DCC: variants seen among roughly 807,000 people sequenced by gnomAD.
The protein encoded by DCC is DCC netrin 1 receptor, also known as netrin receptor DCC.
In DCC, 58 loss-of-function variants were observed where a neutral mutation model predicts 172.5. That is an observed-to-expected ratio of 0.34 (90% CI 0.27 to 0.42). The LOEUF is 0.42. Ranked by LOEUF, DCC falls within the 10% of genes least tolerant of loss-of-function variation. The pLI is 1.00. For missense variants in DCC, 1,740 were observed against 1,791.0 expected (o/e 0.97, Z 0.51); for synonymous variants, 709 against 644.5 (o/e 1.10, Z -1.52).
chr18:52,787,312 C>T (rs987076380), intron 2 of DCC, among the ~76,000 whole-genome samples: 2 of 152,118 alleles, frequency 1.3e-5, no homozygotes, highest in Non-Finnish European at 2.9e-5. Context: ...CATTTGCAAT[C>T]ACCTGTTAAG....
intron 23 of DCC, among the ~76,000 whole-genome samples, chr18:53,454,973 T>C (rs1453430620): frequency 2.0e-5 from 3 of 152,202 alleles, no homozygotes; most frequent in East Asian, 1.9e-4. Flanking sequence ...TTTGGTTTTG[T>C]TTTTATTTTT....
Position 52,369,310 on chromosome 18 carries a change from G to A in DCC, c.91+28432G>A, listed in dbSNP as rs75072046. On this transcript the variant is annotated intron_variant, in intron 1 of 28. Coordinates refer to ENST00000442544, the MANE Select transcript of DCC (RefSeq NM_005215.4). ...CCTCCCCACTTTAGATCCTTCAATA[G>A]TTAGATTTTTATTTGCAAATTGGTT... Among the ~76,000 whole-genome samples the A allele has an allele frequency of 9.1e-3, 1,377 of 151,404 alleles. 6 individuals are homozygous for A. The highest frequency in any genetic ancestry group is 0.017 in the Middle Eastern group (5 of 294).
intron 22 of DCC, among the ~76,000 whole-genome samples, chr18:53,450,236 A>C (rs1053311597): frequency 1.3e-5 from 2 of 151,990 alleles, no homozygotes; most frequent in African/African-American, 4.8e-5. Flanking sequence ...ATAGACATTT[A>C]GCTTGTTTCC....
Position 53,102,261 on chromosome 18 carries a change from C to A in DCC, c.1261+36095C>A, listed in dbSNP as rs116975772. ...AGTGCTACTATTTCGTGACTACTTG[C>A]CTACTTCATTTTGTTAAAGATAAAA... On this transcript the variant is annotated intron_variant, in intron 7 of 28. Coordinates refer to ENST00000442544, the MANE Select transcript of DCC (RefSeq NM_005215.4). 5.5e-3 allele frequency among the ~76,000 whole-genome samples: 841 copies of A among 152,176 alleles called. 6 individuals are homozygous for A. The highest frequency in any genetic ancestry group is 0.022 in the Admixed American group (338 of 15,264).
At chr18:52,761,908 C>CAAAAAAAAAAAAAA (rs1222086354) in intron 2 of DCC, among the ~76,000 whole-genome samples, 1 of 48,452 alleles carries the variant, frequency 2.1e-5, no homozygotes, top group Non-Finnish European at 5.0e-5. Context: ...GACTCTGTCT[C>CAAAAAAAAAAAAAA]AAAAAAAAAA....
At chr18:53,105,988 C>T (rs1598807217) in intron 7 of DCC, among the ~76,000 whole-genome samples, 1 of 151,292 alleles carries the variant, frequency 6.6e-6, no homozygotes, top group Non-Finnish European at 1.5e-5. Context: ...CAAGCAGAGG[C>T]GGCAGGCTGT....
intron 1 of DCC, among the ~76,000 whole-genome samples, chr18:52,672,816 C>T (rs2035578141): frequency 6.6e-6 from 1 of 152,070 alleles, no homozygotes; most frequent in South Asian, 2.1e-4. Flanking sequence ...GCCTATAATC[C>T]CAACACTTTG....
At chr18:53,415,177 C>T (rs950676781) in intron 20 of DCC, among the ~76,000 whole-genome samples, 3 of 152,094 alleles carry the variant, frequency 2.0e-5, no homozygotes, top group Non-Finnish European at 4.4e-5. Flanking sequence ...GCTATAATAG[C>T]GCCACATCTG....
intron 15 of DCC, among the ~76,000 whole-genome samples, chr18:53,364,306 G>T (rs1468199903): frequency 2.0e-5 from 3 of 152,054 alleles, no homozygotes; most frequent in Middle Eastern, 3.2e-3. Context: ...GTATATAAAA[G>T]AACTTAATAT....
rs145300151 is a variant in DCC at position 52,842,971 on chromosome 18, G to T, written c.413-63073G>T. 5.6e-3 allele frequency among the ~76,000 whole-genome samples: 856 copies of T among 152,194 alleles called. 5 individuals are homozygous for T. The highest frequency in any genetic ancestry group is 0.02 in the African/African-American group (826 of 41,528). ...AAATCGATCATTCTATTTTGAACTT[G>T]GTTACTAATTTAGGTGCTTTTTAGA... On this transcript the variant is annotated intron_variant, in intron 2 of 28. Coordinates refer to ENST00000442544, the MANE Select transcript of DCC (RefSeq NM_005215.4).
intron 2 of DCC, among the ~76,000 whole-genome samples, chr18:52,856,804 T>C (rs1200826877): frequency 2.0e-5 from 3 of 152,158 alleles, no homozygotes; most frequent in African/African-American, 7.2e-5. Context: ...TGCATATTGA[T>C]TTAACGACTC....
At chr18:52,811,422 T>C (rs1035293097) in intron 2 of DCC, among the ~76,000 whole-genome samples, 67 of 152,210 alleles carry the variant, frequency 4.4e-4, no homozygotes, top group African/African-American at 1.6e-3. Context: ...AAAATACCCA[T>C]GCTCAATAGC....
At chr18:52,851,877 C>T (rs113282151) in intron 2 of DCC, among the ~76,000 whole-genome samples, 1 of 151,988 alleles carries the variant, frequency 6.6e-6, no homozygotes, top group African/African-American at 2.4e-5. Flanking sequence ...ATGATCTTAC[C>T]AGTGGGTTTT....
chr18:53,503,958 A>C (rs1247382388), intron 27 of DCC, among the ~76,000 whole-genome samples: 1 of 152,236 alleles, frequency 6.6e-6, no homozygotes, highest in Non-Finnish European at 1.5e-5. Flanking sequence ...GACAAGTCCA[A>C]AACTCACTTC....
chr18:52,690,191 C>T lies in DCC; in HGVS notation c.92-61863C>T, dbSNP rs147690520. Among the ~76,000 whole-genome samples the T allele has an allele frequency of 8.5e-3, 1,294 of 152,204 alleles. 6 individuals are homozygous for T. The highest frequency in any genetic ancestry group is 0.014 in the Non-Finnish European group (938 of 67,994). ...AGACTGTGAGCTAACACACGTTTGCCGCTTTAAGTCAGTCAACACATCTGA... is the reference window on the plus strand; with the variant it reads ...AGACTGTGAGCTAACACACGTTTGCTGCTTTAAGTCAGTCAACACATCTGA... On this transcript the variant is annotated intron_variant, in intron 1 of 28. Transcript: ENST00000442544.
intron 20 of DCC, 108 bp from the exon 21 acceptor site, chr18:53,416,016 A>G: frequency 1.3e-6 from 1 of 774,344 alleles, no homozygotes; most frequent in South Asian, 1.4e-5. Flanking sequence ...TCAAGAGGGC[A>G]CTAGCTTTGA....
chr18:53,082,874 A>G lies in DCC; in HGVS notation c.1261+16708A>G, dbSNP rs1164234610. On this transcript the variant is annotated intron_variant, in intron 7 of 28. Coordinates refer to ENST00000442544, the MANE Select transcript of DCC (RefSeq NM_005215.4). ...TATCTATCTCCTATGTTCTACCTCC[A>G]CTCCCTCATTCCTAGACTCCAGTTT... 2.0e-5 allele frequency among the ~76,000 whole-genome samples: 3 copies of G among 151,718 alleles called. No individual in the cohort carries two copies. The East Asian group carries it at 5.8e-4, about 29-fold the overall frequency.
intron 27 of DCC, chr18:53,505,432 A>G (rs116168286): frequency 2.6e-5 from 4 of 152,358 alleles, no homozygotes; most frequent in Non-Finnish European, 5.9e-5. Context: ...GCATAGGTCA[A>G]TGAGAGCAAA....
chr18:52,952,168 C>T (rs535866447), intron 5 of DCC, among the ~76,000 whole-genome samples: 1 of 152,172 alleles, frequency 6.6e-6, no homozygotes, highest in East Asian at 1.9e-4. Context: ...TTTTCCCTTT[C>T]TCTATGCCTT....
Sources: allele counts gnomAD v4.1 joint callset (sites outside exome capture counted in the v4.1 genomes callset), GRCh38; gene constraint gnomAD v4.1.1; transcripts MANE v1.5; gene names NCBI Gene and HGNC (gene_info 2026-07-23, HGNC 2026-07-21).